The following CSNK1G1 variants were observed in gnomAD, a reference collection of about 807,000 sequenced individuals.
CSNK1G1 encodes the protein casein kinase 1 gamma 1.
A neutral mutation model predicts 59.6 loss-of-function variants in CSNK1G1; 22 were observed. The observed-to-expected ratio is 0.37, with a 90% CI of 0.26 to 0.53. The LOEUF (loss-of-function observed/expected upper bound fraction) is 0.53, where lower values mean the gene tolerates loss of function less well. Ranked by LOEUF, CSNK1G1 falls within the 20% of genes least tolerant of loss-of-function variation. The pLI is 0.89. For missense variants in CSNK1G1, 384 were observed against 519.5 expected (o/e 0.74, Z 2.54); for synonymous variants, 179 against 177.1 (o/e 1.01, Z -0.08).
intron 1 of CSNK1G1, among the ~76,000 whole-genome samples, chr15:64,341,911 C>G (rs925426932): frequency 3.3e-5 from 5 of 152,178 alleles, no homozygotes; most frequent in Non-Finnish European, 5.9e-5. Context: ...CAAACAAAAC[C>G]TATAAACTCA....
At chr15:64,299,396 G>A (rs1361611878) in intron 2 of CSNK1G1, among the ~76,000 whole-genome samples, 1 of 152,042 alleles carries the variant, frequency 6.6e-6, no homozygotes, top group African/African-American at 2.4e-5. Context: ...AGACCATCCT[G>A]GCTAACATGG....
At chr15:64,197,940 ATTC>A (rs1180240269) in intron 10 of CSNK1G1, among the ~76,000 whole-genome samples, 1 of 151,966 alleles carries the variant, frequency 6.6e-6, no homozygotes, top group African/African-American at 2.4e-5. Flanking sequence ...TTGATCATAT[ATTC>A]TTCTGCTTGG....
chr15:64,228,955 T>C (rs1292891137), intron 4 of CSNK1G1, among the ~76,000 whole-genome samples: 1 of 147,712 alleles, frequency 6.8e-6, no homozygotes, highest in Non-Finnish European at 1.5e-5. Context: ...GAGGCAGCAG[T>C]TGGCAGTAAG....
chr15:64,258,296 T>C (rs1892502446), intron 3 of CSNK1G1, among the ~76,000 whole-genome samples: 1 of 151,770 alleles, frequency 6.6e-6, no homozygotes, highest in Non-Finnish European at 1.5e-5. Flanking sequence ...AGTGGGAAGA[T>C]TGCTTGAGCC....
intron 1 of CSNK1G1, among the ~76,000 whole-genome samples, chr15:64,314,580 A>C (rs1384898755): frequency 6.6e-6 from 1 of 151,792 alleles, no homozygotes; most frequent in African/African-American, 2.4e-5. Context: ...AAAAAAAAAA[A>C]AAACATATCC....
intron 2 of CSNK1G1, among the ~76,000 whole-genome samples, chr15:64,260,360 G>A (rs565312380): frequency 3.5e-4 from 53 of 151,664 alleles, no homozygotes; most frequent in African/African-American, 1.2e-3. Context: ...AATACATAGC[G>A]GAATATATGT....
At position 64,348,078 on chromosome 15, in the gene CSNK1G1, CTATGT is replaced by C. The variant is rs567229861; in HGVS notation, c.-225+7905_-225+7909del. 2.3e-4 allele frequency among the ~76,000 whole-genome samples: 35 copies of C among 151,390 alleles called. 1 individual carries two copies. In the East Asian group the frequency reaches 6.6e-3, roughly 29 times the overall value. ...AAAAAAAAAACAATCTTAAAAAGCTCTATGTTATATGATTCTAACTATATGACATT... is the reference window on the plus strand; with the variant it reads ...AAAAAAAAAACAATCTTAAAAAGCTCTATATGATTCTAACTATATGACATT... On this transcript the variant is annotated intron_variant, in intron 1 of 11. Transcript: ENST00000303052.
At chr15:64,303,434 C>T (rs1050613150) in intron 1 of CSNK1G1, among the ~76,000 whole-genome samples, 8 of 150,904 alleles carry the variant, frequency 5.3e-5, no homozygotes, top group South Asian at 2.1e-4. Flanking sequence ...GGGCAACATA[C>T]GGAGACCCCA....
intron 1 of CSNK1G1, among the ~76,000 whole-genome samples, chr15:64,318,566 A>G (rs577303941): frequency 3.2e-4 from 48 of 151,508 alleles, no homozygotes; most frequent in African/African-American, 1.0e-3. Flanking sequence ...CTTTTTTTAA[A>G]GACAGGCTCT....
intron 2 of CSNK1G1, among the ~76,000 whole-genome samples, chr15:64,260,319 T>A (rs541420594): frequency 6.6e-6 from 1 of 152,342 alleles, no homozygotes; most frequent in Admixed American, 6.5e-5. Context: ...TAACTATTTT[T>A]AAAATATACC....
chr15:64,189,311 C>T, intron 10 of CSNK1G1: 3 of 1,106,646 alleles, frequency 2.7e-6, no homozygotes, highest in Non-Finnish European at 3.4e-6. Context: ...CTGCTTTCAC[C>T]TTAGTATCAT....
At chr15:64,313,048 A>G (rs1037372833) in intron 1 of CSNK1G1, among the ~76,000 whole-genome samples, 8 of 152,348 alleles carry the variant, frequency 5.3e-5, no homozygotes, top group Non-Finnish European at 8.8e-5. Flanking sequence ...CAAAACCACA[A>G]TGAGATACCA....
chr15:64,178,731 C>T (rs916751966), intron 11 of CSNK1G1, among the ~76,000 whole-genome samples: 1 of 152,042 alleles, frequency 6.6e-6, no homozygotes, highest in African/African-American at 2.4e-5. Flanking sequence ...CCTCCTGCCT[C>T]AGCTTCCCAA....
chr15:64,207,648 G>A (rs1472634692), intron 6 of CSNK1G1, 54 bp from the exon 7 acceptor site: 8 of 1,383,966 alleles, frequency 5.8e-6, no homozygotes, highest in African/African-American at 1.4e-5. Flanking sequence ...AGCAGAAAGA[G>A]GTTCAAAACC....
chr15:64,229,499 AG>A (rs1338686128), intron 4 of CSNK1G1, among the ~76,000 whole-genome samples: 1 of 151,714 alleles, frequency 6.6e-6, no homozygotes, highest in Non-Finnish European at 1.5e-5. Context: ...ATAGAGAAGG[AG>A]GAGTATTCTC....
rs936468119 is a variant in CSNK1G1 at position 64,202,487 on chromosome 15, T to C, written c.1107+595A>G. Among the ~76,000 whole-genome samples the C allele has an allele frequency of 2.6e-5, 4 of 151,528 alleles. No individual in the cohort carries two copies. The East Asian group carries it at 7.7e-4, about 29-fold the overall frequency. On this transcript the variant is annotated intron_variant, in intron 10 of 11. Coordinates refer to ENST00000303052, the MANE Select transcript of CSNK1G1 (RefSeq NM_022048.5). Reference sequence around the variant, plus strand: ...GTCTTTTGGTCCTATGGTAGATGCCTCTGATCCTAACTTATAGCTAGTTCC... The same window carrying C: ...GTCTTTTGGTCCTATGGTAGATGCCCCTGATCCTAACTTATAGCTAGTTCC...
chr15:64,301,423 T>C (rs1452242096), intron 1 of CSNK1G1, among the ~76,000 whole-genome samples: 2 of 151,840 alleles, frequency 1.3e-5, no homozygotes, highest in East Asian at 3.9e-4. Context: ...AATTCTGCAG[T>C]GTCCAAATTC....
At chr15:64,178,942 G>A (rs1001706099) in intron 11 of CSNK1G1, among the ~76,000 whole-genome samples, 2 of 148,802 alleles carry the variant, frequency 1.3e-5, no homozygotes, top group African/African-American at 2.4e-5. Context: ...ATAGAGTTGG[G>A]GTCTCATTAT....
At chr15:64,337,848 T>G (rs1897469716) in intron 1 of CSNK1G1, among the ~76,000 whole-genome samples, 1 of 152,248 alleles carries the variant, frequency 6.6e-6, no homozygotes, top group Non-Finnish European at 1.5e-5. Context: ...CTATTCTACT[T>G]TGTCTTTGAA....
Sources: allele counts gnomAD v4.1 joint callset (sites outside exome capture counted in the v4.1 genomes callset), GRCh38; gene constraint gnomAD v4.1.1; transcripts MANE v1.5; gene names NCBI Gene and HGNC (gene_info 2026-07-23, HGNC 2026-07-21).